The following CAP1 variants were observed in gnomAD, a reference collection of about 807,000 sequenced individuals.
CAP1 encodes adenylyl cyclase-associated protein 1.
CAP1 carries 11 observed loss-of-function variants against 58.2 expected under a neutral mutation model. The observed-to-expected ratio is 0.19, with a 90% CI of 0.12 to 0.31. CAP1 has a LOEUF of 0.31. CAP1 is among the 10% of genes least tolerant of loss of function. The pLI is 1.00. For missense variants in CAP1, 423 were observed against 587.5 expected (o/e 0.72, Z 2.89); for synonymous variants, 183 against 213.8 (o/e 0.86, Z 1.26).
intron 12 of CAP1, among the ~76,000 whole-genome samples, 177 bp from the exon 13 acceptor site, chr1:40,071,273 G>A (rs1053515611): frequency 6.6e-6 from 1 of 152,168 alleles, no homozygotes; most frequent in African/African-American, 2.4e-5. Flanking sequence ...AGACTTAATA[G>A]TCTGTCCAAG....
At chr1:40,063,771 G>C (rs1570408859) in intron 4 of CAP1, among the ~76,000 whole-genome samples, 1 of 152,288 alleles carries the variant, frequency 6.6e-6, no homozygotes, top group East Asian at 1.9e-4. Context: ...AGTTTGTATT[G>C]GTGAGTGATA....
intron 1 of CAP1, among the ~76,000 whole-genome samples, chr1:40,050,007 T>C (rs1646282858): frequency 6.6e-6 from 1 of 152,148 alleles, no homozygotes; most frequent in African/African-American, 2.4e-5. Context: ...TTTGCCTCCA[T>C]ATAAGGAAGA....
chr1:40,057,815 G>A (rs922714796), intron 1 of CAP1, among the ~76,000 whole-genome samples: 1 of 152,194 alleles, frequency 6.6e-6, no homozygotes, highest in Non-Finnish European at 1.5e-5. Context: ...ACGCTTTTGT[G>A]AAATGGAATC....
Position 40,070,193 on chromosome 1 carries a change from A to G in CAP1, c.1028A>G (p.Glu343Gly), listed in dbSNP as rs1325313346. Residue 343 changes from glutamate (E) to glycine (G), a missense_variant, in exon 10 of 13, where the codon GAG becomes GGG. Physicochemically the swap from Glu to Gly is moderately conservative, Grantham distance 98 (BLOSUM62 -2). Coordinates refer to ENST00000372805, the MANE Select transcript of CAP1 (RefSeq NM_006367.4). ...NQENVSNLVIEDTELKQVAYI... is the reference protein window; with the variant it reads ...NQENVSNLVIGDTELKQVAYI... Reference sequence around the variant, plus strand: ...GAAAATGTTTCCAACCTGGTGATTGAGGACACAGAGCTGAAACAGGTGGCT... The same window carrying G: ...GAAAATGTTTCCAACCTGGTGATTGGGGACACAGAGCTGAAACAGGTGGCT... 1 of 1,614,206 alleles carries G rather than the reference A, an allele frequency of 6.2e-7. No individual in the cohort carries two copies. Among genetic ancestry groups the G allele is most frequent in the Non-Finnish European group, 8.5e-7 (1 of 1,180,028 alleles).
In CAP1 at chr1:40,071,266, CT is replaced by C. The variant is rs113275130; in HGVS notation, c.1345-182del. Among the ~76,000 whole-genome samples, 1,103 of 152,294 alleles carry C rather than the reference CT, an allele frequency of 7.2e-3. 10 individuals are homozygous for C. Among genetic ancestry groups the C allele is most frequent in the African/African-American group, 0.026 (1,062 of 41,548 alleles). On this transcript the variant is annotated intron_variant, in intron 12 of 12. Transcript: ENST00000372805. ...TGTACTGTTATTTACACCCCATAGACTTAATAGTCTGTCCAAGATCGCTGAA... is the reference window on the plus strand; with the variant it reads ...TGTACTGTTATTTACACCCCATAGACTAATAGTCTGTCCAAGATCGCTGAA...
At chr1:40,063,805 A>G (rs1646958559) in intron 4 of CAP1, among the ~76,000 whole-genome samples, 1 of 152,230 alleles carries the variant, frequency 6.6e-6, no homozygotes, top group South Asian at 2.1e-4. Flanking sequence ...GGTTATGCTG[A>G]CAACAAATGC....
chr1:40,056,654 G>C lies in CAP1; in HGVS notation c.-10-2683G>C, dbSNP rs370368992. On this transcript the variant is annotated intron_variant, in intron 1 of 12. Coordinates refer to ENST00000372805, the MANE Select transcript of CAP1 (RefSeq NM_006367.4). ...TGAGCTAGATGGATATGCTGCTCTG[G>C]TAGTCTTTAGTCTATAGGTGGTTAT... is the stretch of plus-strand genomic sequence containing the variant. Among the ~76,000 whole-genome samples, 484 of 152,126 alleles carry C rather than the reference G, an allele frequency of 3.2e-3. 1 individual carries two copies. Among genetic ancestry groups the C allele is most frequent in the African/African-American group, 0.011 (473 of 41,516 alleles).
At chr1:40,060,352 A>AT (rs1377212473) in intron 3 of CAP1, among the ~76,000 whole-genome samples, 182 bp downstream of exon 3, 1 of 151,864 alleles carries the variant, frequency 6.6e-6, no homozygotes, top group Non-Finnish European at 1.5e-5. Context: ...ACGATTCCTC[A>AT]TTTTTTTCTA....
intron 1 of CAP1, among the ~76,000 whole-genome samples, chr1:40,055,425 A>G (rs932263528): frequency 6.6e-5 from 10 of 152,230 alleles, no homozygotes; most frequent in African/African-American, 2.2e-4. Flanking sequence ...CTCTGACTAT[A>G]ATATGGAGAA....
At chr1:40,050,900 G>C (rs1480283513) in intron 1 of CAP1, among the ~76,000 whole-genome samples, 25 of 152,030 alleles carry the variant, frequency 1.6e-4, no homozygotes, top group Admixed American at 1.6e-3. Context: ...CTGGCTTTCA[G>C]TGCCCTCCAT....
chr1:40,047,442 GTT>G (rs1646155641), intron 1 of CAP1, among the ~76,000 whole-genome samples: 1 of 152,160 alleles, frequency 6.6e-6, no homozygotes, highest in Non-Finnish European at 1.5e-5. Flanking sequence ...GCTTTGTTTT[GTT>G]TTGTTTTTTC....
At chr1:40,058,402 A>T (rs1646703529) in intron 1 of CAP1, among the ~76,000 whole-genome samples, 1 of 152,128 alleles carries the variant, frequency 6.6e-6, no homozygotes, top group African/African-American at 2.4e-5. Context: ...TTGTTAGTGC[A>T]TATGTTAAGT....
chr1:40,058,221 T>C (rs991299079), intron 1 of CAP1, among the ~76,000 whole-genome samples: 2 of 152,234 alleles, frequency 1.3e-5, no homozygotes, highest in Non-Finnish European at 2.9e-5. Flanking sequence ...CCCTACTGCA[T>C]GTCCAGATCT....
intron 4 of CAP1, among the ~76,000 whole-genome samples, chr1:40,062,773 TTG>T (rs1169359200): frequency 4.1e-5 from 6 of 145,520 alleles, no homozygotes; most frequent in African/African-American, 1.0e-4. Flanking sequence ...TCAAAAAACA[TTG>T]TGTGTGTGTG....
Position 40,064,323 on chromosome 1 carries a change from C to T in CAP1, c.391C>T (p.Leu131=), listed in dbSNP as rs1212124177. 1.9e-6 allele frequency: 3 copies of T among 1,614,168 alleles called. No homozygotes were observed. Among genetic ancestry groups the T allele is most frequent in the Admixed American group, 1.7e-5 (1 of 60,030 alleles). Residue 131 remains leucine (L), a synonymous_variant, in exon 5 of 13, where the codon CTG becomes TTG. Coordinates refer to ENST00000372805, the MANE Select transcript of CAP1 (RefSeq NM_006367.4). The part of the protein sequence containing the change: ...KNRGSKLFNH[L]SAVSESIQAL... ...CCGAGGCAGCAAGTTGTTTAATCAC[C>T]TGTCAGCTGTCAGCGAAAGTATCCA...
chr1:40,043,255 T>G (rs1645924562), intron 1 of CAP1, among the ~76,000 whole-genome samples: 1 of 152,152 alleles, frequency 6.6e-6, no homozygotes, highest in African/African-American at 2.4e-5. Context: ...TGGTGTGCAG[T>G]GGCACAATCT....
At position 40,053,520 on chromosome 1, in the gene CAP1, G is replaced by A. The variant is rs183590400; in HGVS notation, c.-10-5817G>A. Among the ~76,000 whole-genome samples, 12 of 152,042 alleles carry A rather than the reference G, an allele frequency of 7.9e-5. No homozygotes were observed. In the East Asian group the frequency reaches 1.9e-3, roughly 25 times the overall value. On this transcript the variant is annotated intron_variant, in intron 1 of 12. Coordinates refer to ENST00000372805, the MANE Select transcript of CAP1 (RefSeq NM_006367.4). ...GGCTGGAGTGTAATGGCGTGAACTCGGCTCACTGCAATCTCCGCCTCCCAG... is the reference window on the plus strand; with the variant it reads ...GGCTGGAGTGTAATGGCGTGAACTCAGCTCACTGCAATCTCCGCCTCCCAG...
chr1:40,051,058 T>C (rs1024044505), intron 1 of CAP1, among the ~76,000 whole-genome samples: 1 of 152,176 alleles, frequency 6.6e-6, no homozygotes, highest in Non-Finnish European at 1.5e-5. Context: ...TTTTTTCTCT[T>C]GCCTCTTCAA....
chr1:40,069,720 C>T lies in CAP1; in HGVS notation c.839C>T (p.Thr280Ile), dbSNP rs752571338. 1 of 1,613,560 alleles carries T rather than the reference C, an allele frequency of 6.2e-7. No individual in the cohort carries two copies. The highest frequency in any genetic ancestry group is 8.5e-7 in the Non-Finnish European group (1 of 1,179,816). ...AAACATGTATCTGATGACATGAAGACTCACAAGAACCCTGCCCTGAAGGCT... is the reference window on the plus strand; with the variant it reads ...AAACATGTATCTGATGACATGAAGATTCACAAGAACCCTGCCCTGAAGGCT... ...ALKHVSDDMK[T>I]HKNPALKAQS... The change falls in exon 9 of 13, where the codon ACT becomes ATT. Residue 280 changes from threonine to isoleucine, a missense_variant. Transcript: ENST00000372805.
Sources: gnomAD v4.1 joint callset for allele counts (sites outside exome capture counted in the v4.1 genomes callset) on GRCh38, gnomAD v4.1.1 for gene constraint, MANE v1.5 for transcripts, NCBI Gene and HGNC (gene_info 2026-07-23, HGNC 2026-07-21) for gene names.